Variants in TPRG1 observed in about 807,000 individuals in gnomAD.
TPRG1 encodes the protein tumor protein p63 regulated 1, also known as tumor protein p63-regulated gene 1 protein.
TPRG1 carries 29 observed loss-of-function variants against 29.3 expected under a neutral mutation model. The ratio of observed to expected loss-of-function variants is 0.99; its 90% CI spans 0.74 to 1.35. The LOEUF (loss-of-function observed/expected upper bound fraction) is 1.35. Ranked by LOEUF, TPRG1 falls within the 40% of genes most tolerant of loss-of-function variation. The pLI, the probability that TPRG1 is intolerant of heterozygous loss-of-function variation, is 0.00. For missense variants in TPRG1, 327 were observed against 335.0 expected (o/e 0.98, Z 0.19); for synonymous variants, 130 against 116.8 (o/e 1.11, Z -0.73).
chr3:189,157,371 C>T (rs769324939), intron 5 of TPRG1, among the ~76,000 whole-genome samples: 31 of 152,272 alleles, frequency 2.0e-4, no homozygotes, highest in African/African-American at 6.3e-4. Flanking sequence ...ACTTCTATTC[C>T]GAGTGGCCAA....
intron 4 of TPRG1, among the ~76,000 whole-genome samples, chr3:189,087,584 G>A (rs185252727): frequency 6.6e-4 from 101 of 152,294 alleles, no homozygotes; most frequent in African/African-American, 1.7e-3. Context: ...ACTTGCCCAT[G>A]CCTATGTCCT....
chr3:189,264,734 T>C (rs1449183614), intron 4 of TPRG1, among the ~76,000 whole-genome samples: 1 of 152,206 alleles, frequency 6.6e-6, no homozygotes, highest in Non-Finnish European at 1.5e-5. Flanking sequence ...TGAGAAGTTA[T>C]TGAACAAGGG....
At chr3:189,085,447 ATG>A (rs55935182) in intron 4 of TPRG1, among the ~76,000 whole-genome samples, 7,938 of 121,154 alleles carry the variant, frequency 0.066, 322 homozygotes, top group Non-Finnish European at 0.087. Flanking sequence ...GTGTGTGTGC[ATG>A]TGTGTGTGTG....
intron 1 of TPRG1, among the ~76,000 whole-genome samples, chr3:189,105,407 C>T (rs560592350): frequency 6.6e-6 from 1 of 152,072 alleles, no homozygotes; most frequent in East Asian, 1.9e-4. Flanking sequence ...CATTTCTCCA[C>T]CCTACCATAT....
At chr3:189,183,332 G>A (rs998620550) in intron 1 of TPRG1, among the ~76,000 whole-genome samples, 13 of 152,218 alleles carry the variant, frequency 8.5e-5, no homozygotes, top group Middle Eastern at 3.4e-3. Context: ...GTAGAATATC[G>A]CAAGGCAAAT....
intron 1 of TPRG1, among the ~76,000 whole-genome samples, chr3:189,184,859 T>C (rs1265233246): frequency 6.6e-6 from 1 of 152,138 alleles, no homozygotes; most frequent in East Asian, 1.9e-4. Context: ...GTGTTAGCAG[T>C]GGGGGTGAGA....
intron 4 of TPRG1, among the ~76,000 whole-genome samples, chr3:189,243,163 G>C (rs1740885592): frequency 6.6e-6 from 1 of 152,160 alleles, no homozygotes; most frequent in Non-Finnish European, 1.5e-5. Flanking sequence ...TTCTGTGGAG[G>C]CCTTAGGAAA....
chr3:189,188,808 G>C (rs777112542), intron 1 of TPRG1, among the ~76,000 whole-genome samples: 6 of 152,080 alleles, frequency 3.9e-5, no homozygotes, highest in Non-Finnish European at 7.4e-5. Context: ...AACTTCTTTT[G>C]ACTTTTTTTC....
At chr3:189,125,230 TC>T (rs2108514965) in intron 1 of TPRG1, among the ~76,000 whole-genome samples, 1 of 152,324 alleles carries the variant, frequency 6.6e-6, no homozygotes, top group South Asian at 2.1e-4. Context: ...GCAAGTCAAA[TC>T]CTTGTTGTTC....
chr3:189,299,028 A>T (rs1041289760), intron 4 of TPRG1, among the ~76,000 whole-genome samples: 3 of 151,664 alleles, frequency 2.0e-5, no homozygotes, highest in Non-Finnish European at 4.4e-5. Context: ...CTTGAGAGGA[A>T]ATGGAAACAG....
chr3:189,253,108 C>T (rs1169003234), intron 4 of TPRG1, among the ~76,000 whole-genome samples: 1 of 152,082 alleles, frequency 6.6e-6, no homozygotes, highest in Admixed American at 6.6e-5. Context: ...AGGTTTGTTA[C>T]ATAGGTATAC....
chr3:189,012,503 T>C (rs1221961307), intron 3 of TPRG1, among the ~76,000 whole-genome samples: 2 of 152,166 alleles, frequency 1.3e-5, no homozygotes, highest in Non-Finnish European at 2.9e-5. Flanking sequence ...AGCTTTTTGA[T>C]GTGCTGCTGG....
intron 4 of TPRG1, among the ~76,000 whole-genome samples, chr3:189,092,299 G>A (rs1718386070): frequency 6.6e-6 from 1 of 152,150 alleles, no homozygotes; most frequent in South Asian, 2.1e-4. Context: ...CTGAGATTCT[G>A]CGCCTCTAAC....
At chr3:189,313,501 A>G (rs899244900) in intron 5 of TPRG1, among the ~76,000 whole-genome samples, 2 of 151,812 alleles carry the variant, frequency 1.3e-5, no homozygotes, top group Admixed American at 1.3e-4. Flanking sequence ...TCAGTTTAAG[A>G]AAACTATTGT....
At chr3:189,004,501 G>A (rs568160349) in intron 2 of TPRG1, 6 of 152,266 alleles carry the variant, frequency 3.9e-5, no homozygotes, top group African/African-American at 1.2e-4. Flanking sequence ...AAGACTTCGT[G>A]TGTGGATAAA....
chr3:189,119,066 G>A (rs1051407691), intron 1 of TPRG1, among the ~76,000 whole-genome samples: 1 of 152,208 alleles, frequency 6.6e-6, no homozygotes, highest in Non-Finnish European at 1.5e-5. Context: ...TGTTAGGGGG[G>A]TTGAGCTTTG....
chr3:189,169,661 G>A (rs1728577934), upstream of TPRG1, among the ~76,000 whole-genome samples: 1 of 152,206 alleles, frequency 6.6e-6, no homozygotes, highest in South Asian at 2.1e-4. Flanking sequence ...ATAGCCATAT[G>A]TTCTGTCATA....
upstream of TPRG1, among the ~76,000 whole-genome samples, chr3:189,097,443 A>G (rs1393947794): frequency 6.6e-6 from 1 of 152,208 alleles, no homozygotes; most frequent in African/African-American, 2.4e-5. Context: ...GAAAAAAGCA[A>G]TTGACTTAGT....
intron 3 of TPRG1, among the ~76,000 whole-genome samples, chr3:189,215,945 C>G (rs1049462113): frequency 3.3e-5 from 5 of 152,108 alleles, no homozygotes; most frequent in East Asian, 3.9e-4. Context: ...TGCATTCCCC[C>G]CAAAGATTAT....
Sources: gnomAD v4.1 joint callset for allele counts (sites outside exome capture counted in the v4.1 genomes callset) on GRCh38, gnomAD v4.1.1 for gene constraint, MANE v1.5 for transcripts, NCBI Gene and HGNC (gene_info 2026-07-23, HGNC 2026-07-21) for gene names.